OPHN1: variants seen among roughly 807,000 people sequenced by gnomAD.
The protein encoded by OPHN1 is oligophrenin-1.
Under a neutral mutation model 60.7 loss-of-function variants are expected in OPHN1, and 11 were observed. The ratio of observed to expected loss-of-function variants is 0.18; its 90% confidence interval spans 0.11 to 0.30. The LOEUF (loss-of-function observed/expected upper bound fraction) is 0.30, where lower values mean the gene tolerates loss of function less well. Among genes scored for constraint, OPHN1 ranks in the 10% least tolerant of loss-of-function variants. OPHN1 has a pLI of 1.00. For missense variants in OPHN1, 449 were observed against 611.0 expected (o/e 0.73, Z 2.80); for synonymous variants, 226 against 222.6 (o/e 1.02, Z -0.14).
chrX:68,297,696 A>T (rs1201102692), intron 3 of OPHN1, among the ~76,000 whole-genome samples: 1 of 111,776 alleles, frequency 8.9e-6, no homozygotes, highest in African/African-American at 3.2e-5. Flanking sequence ...TTCATTGAAC[A>T]TCTACTGTAT....
intron 2 of OPHN1, among the ~76,000 whole-genome samples, chrX:68,376,069 G>T (rs1358930358): frequency 2.7e-5 from 3 of 111,837 alleles, no homozygotes; most frequent in African/African-American, 9.8e-5. Flanking sequence ...AAATAGAGAA[G>T]TCTTGAAGGA....
intron 11 of OPHN1, among the ~76,000 whole-genome samples, chrX:68,200,320 A>T: frequency 8.9e-6 from 1 of 111,978 alleles, no homozygotes; most frequent in Non-Finnish European, 1.9e-5. Context: ...GGATAAGAAA[A>T]AAACACTTAA....
chrX:68,066,539 G>A, intron 20 of OPHN1, among the ~76,000 whole-genome samples: 1 of 110,947 alleles, frequency 9.0e-6, no homozygotes, highest in Non-Finnish European at 1.9e-5. Flanking sequence ...TAGGTTCTGG[G>A]GTATGGTGAA....
chrX:68,195,010 G>GGAAA (rs2077505928), intron 12 of OPHN1, among the ~76,000 whole-genome samples: 1 of 52,465 alleles, frequency 1.9e-5, no homozygotes, highest in Non-Finnish European at 3.3e-5. Flanking sequence ...AAGAAAGGAA[G>GGAAA]GAAGGAAGGA....
At position 68,206,576 on chromosome X, in the gene OPHN1, C is replaced by T. The variant is rs1228267169; in HGVS notation, c.930G>A (p.Lys310=). The change falls in exon 10 of 25, where the codon AAG becomes AAA. Residue 310 remains lysine (K), a synonymous_variant. Coordinates refer to ENST00000355520, the MANE Select transcript of OPHN1 (RefSeq NM_002547.3). ...TATGGTGCAAACAAGAACTGACCTG[C>T]TTAGCACCTGGCTTCTGCTCCATAG... ...MTPMEQKPGA[K]QGPLDLTLKY... is the part of the protein sequence containing the mutation. 2 of 1,203,901 alleles carry T rather than the reference C, an allele frequency of 1.7e-6. No individual in the cohort carries two copies. The highest frequency in any genetic ancestry group is 2.3e-6 in the Non-Finnish European group (2 of 888,148).
chrX:68,422,534 AGAAG>A (rs1330715288), intron 2 of OPHN1, among the ~76,000 whole-genome samples: 5 of 100,132 alleles, frequency 5.0e-5, no homozygotes, highest in African/African-American at 1.5e-4. Flanking sequence ...AAAGAAAGAA[AGAAG>A]GAAGGAAGGG....
intron 2 of OPHN1, among the ~76,000 whole-genome samples, chrX:68,406,846 C>G (rs2078746024): frequency 8.9e-6 from 1 of 112,236 alleles, no homozygotes; most frequent in Non-Finnish European, 1.9e-5. Context: ...AACTGAGGTT[C>G]TTTGTACTAT....
chrX:68,394,565 T>C (rs2078673231), intron 2 of OPHN1, among the ~76,000 whole-genome samples: 1 of 112,550 alleles, frequency 8.9e-6, no homozygotes, highest in Non-Finnish European at 1.9e-5. Flanking sequence ...ATTATCTTTC[T>C]ATTCAAGAAT....
At chrX:68,359,025 T>C (rs747080947) in intron 2 of OPHN1, among the ~76,000 whole-genome samples, 1 of 112,087 alleles carries the variant, frequency 8.9e-6, no homozygotes, top group South Asian at 3.7e-4. Flanking sequence ...AGTTTTCTCA[T>C]CTGGAAGAGC....
rs1298256166 is a variant in OPHN1, at chrX:68,149,458, C to G, written c.1277-30126G>C. On this transcript the variant is annotated intron_variant, in intron 15 of 24. Transcript: ENST00000355520. Reference sequence around the variant, plus strand: ...ATAATTAGTATCATTTATATATACCCTGTCTTCTCCAGTTGTGAAGGAAAA... The same window carrying G: ...ATAATTAGTATCATTTATATATACCGTGTCTTCTCCAGTTGTGAAGGAAAA... Among the ~76,000 whole-genome samples, 4 of 111,460 alleles carry G rather than the reference C, an allele frequency of 3.6e-5. No individual in the cohort carries two copies. In the Admixed American group the frequency reaches 3.8e-4, roughly 11 times the overall value.
In OPHN1 at chrX:68,268,901, T is replaced by C. The variant is rs779557276; in HGVS notation, c.384+5837A>G. On this transcript the variant is annotated intron_variant, in intron 5 of 24. Transcript: ENST00000355520. ...AGGCAACTTCAGCAAAGTCTCAGGATACAAAATCAATGTGCAAAAATCATA... is the reference window on the plus strand; with the variant it reads ...AGGCAACTTCAGCAAAGTCTCAGGACACAAAATCAATGTGCAAAAATCATA... Among the ~76,000 whole-genome samples the C allele has an allele frequency of 6.3e-5, 7 of 111,678 alleles. No homozygotes were observed. The South Asian group carries it at 2.6e-3, about 42-fold the overall frequency.
At chrX:68,206,540 A>C in intron 10 of OPHN1, 33 bp downstream of exon 10, 1 of 1,038,567 alleles carries the variant, frequency 9.6e-7, no homozygotes, top group South Asian at 1.9e-5. Flanking sequence ...TCATAGATCC[A>C]TTTCCAAAAA....
chrX:68,212,075 A>C, intron 8 of OPHN1, 33 bp downstream of exon 8: 1 of 1,014,722 alleles, frequency 9.9e-7, no homozygotes, highest in Non-Finnish European at 1.4e-6. Context: ...CGGAATGGAA[A>C]GACCGGTGAG....
intron 12 of OPHN1, among the ~76,000 whole-genome samples, chrX:68,194,990 G>GAAAGAA (rs1225249578): frequency 0.015 from 1,259 of 82,448 alleles, 65 homozygotes; most frequent in African/African-American, 0.07. Flanking sequence ...GAAAGAAAGA[G>GAAAGAA]AGAGAGAGAA....
At chrX:68,372,775 A>G (rs780745965) in intron 2 of OPHN1, among the ~76,000 whole-genome samples, 53 of 111,446 alleles carry the variant, frequency 4.8e-4, no homozygotes, top group African/African-American at 1.7e-3. Context: ...TGACTTGACC[A>G]GACTGATAAT....
intron 2 of OPHN1, among the ~76,000 whole-genome samples, chrX:68,385,684 A>T (rs1384755433): frequency 8.9e-6 from 1 of 112,532 alleles, no homozygotes; most frequent in Non-Finnish European, 1.9e-5. Context: ...TGTGGCAATA[A>T]GCCTTACAAC....
chrX:68,257,756 C>G (rs1017085153), intron 5 of OPHN1, among the ~76,000 whole-genome samples: 1 of 110,985 alleles, frequency 9.0e-6, no homozygotes, highest in African/African-American at 3.3e-5. Flanking sequence ...CTACACGTTG[C>G]TAGAAGCTAT....
At chrX:68,061,635 G>A (rs62604533) in intron 21 of OPHN1, among the ~76,000 whole-genome samples, 1 of 111,707 alleles carries the variant, frequency 9.0e-6, no homozygotes, top group African/African-American at 3.3e-5. Flanking sequence ...CTGATTATAC[G>A]CCAGATATTT....
At chrX:68,139,944 C>T (rs1321726249) in intron 15 of OPHN1, among the ~76,000 whole-genome samples, 1 of 112,243 alleles carries the variant, frequency 8.9e-6, no homozygotes, top group Non-Finnish European at 1.9e-5. Flanking sequence ...GAGCAAGTGC[C>T]AGCTGACACA....
Sources: gnomAD v4.1 joint callset for allele counts (sites outside exome capture counted in the v4.1 genomes callset) on GRCh38, gnomAD v4.1.1 for gene constraint, MANE v1.5 for transcripts, NCBI Gene and HGNC (gene_info 2026-07-23, HGNC 2026-07-21) for gene names.